Variants in MTR observed in about 807,000 individuals in gnomAD.
MTR encodes 5-methyltetrahydrofolate-homocysteine methyltransferase, also known as methionine synthase.
A neutral mutation model predicts 154.8 loss-of-function variants in MTR; 84 were observed. The ratio of observed to expected loss-of-function variants is 0.54; its 90% CI spans 0.45 to 0.65. The LOEUF (loss-of-function observed/expected upper bound fraction) is 0.65. Ranked by LOEUF, MTR falls within the 30% of genes least tolerant of loss-of-function variation. The pLI is 0.00. For missense variants in MTR, 1,275 were observed against 1,570.2 expected (o/e 0.81, Z 3.18); for synonymous variants, 554 against 553.9 (o/e 1.00, Z 0.00).
Position 236,863,545 on chromosome 1 carries a change from A to G in MTR, c.2396A>G (p.Asn799Ser), listed in dbSNP as rs1664668650. The part of the protein sequence containing the change: ...KNIVGVVLGC[N>S]NFRVIDLGVM... ...ATAGTTGGAGTAGTCCTTGGCTGCA[A>G]TAATTTCCGGTAAGTTAGGACCTCA... The change falls in exon 22 of 33, where the codon AAT (asparagine) becomes AGT (serine). Residue 799 changes from asparagine to serine, a missense_variant. Coordinates refer to ENST00000366577, the MANE Select transcript of MTR (RefSeq NM_000254.3). The G allele has an allele frequency of 2.5e-6, 4 of 1,613,880 alleles. No homozygotes were observed. The highest frequency in any genetic ancestry group is 2.5e-6 in the Non-Finnish European group (3 of 1,179,908).
rs771542050 is a variant in MTR at position 236,895,407 on chromosome 1, A to C, written c.3455A>C (p.Tyr1152Ser). Residue 1152 changes from tyrosine to serine, a missense_variant, in exon 31 of 33, where the codon TAC becomes TCC. Tyr to Ser is a moderately radical substitution (Grantham distance 144, BLOSUM62 -2). Coordinates refer to ENST00000366577, the MANE Select transcript of MTR (RefSeq NM_000254.3). Reference protein sequence around the residue: ...HERVRRELWAYCGSEQLDVAD... With the variant: ...HERVRRELWASCGSEQLDVAD... ...AGAGTTCGCCGAGAACTGTGGGCCT[A>C]CTGTGGCAGTGAGCAGCTGGACGTC... 6.2e-7 allele frequency: 1 copy of C among 1,605,478 alleles called. No individual in the cohort carries two copies.
At position 236,871,938 on chromosome 1, in the gene MTR, G is replaced by A. The variant is rs181079013; in HGVS notation, c.2406-1835G>A. On this transcript the variant is annotated intron_variant, in intron 22 of 32. Transcript: ENST00000366577. Reference sequence around the variant, plus strand: ...AAGCCAGTCCCCTTCCTGCCCCAGCGTTCAGCACCCATTGTTACCAGCCAG... The same window carrying A: ...AAGCCAGTCCCCTTCCTGCCCCAGCATTCAGCACCCATTGTTACCAGCCAG... Among the ~76,000 whole-genome samples, 289 of 152,098 alleles carry A rather than the reference G, an allele frequency of 1.9e-3. 2 individuals carry two copies. The highest frequency in any genetic ancestry group is 0.017 in the South Asian group (80 of 4,824).
intron 2 of MTR, among the ~76,000 whole-genome samples, chr1:236,805,053 T>C (rs1300462689): frequency 6.6e-6 from 1 of 152,202 alleles, no homozygotes; most frequent in South Asian, 2.1e-4. Flanking sequence ...TGGGTAGATA[T>C]TTCGGATGTT....
At chr1:236,846,419 ATG>A (rs1309140152) in intron 15 of MTR, among the ~76,000 whole-genome samples, 1 of 152,242 alleles carries the variant, frequency 6.6e-6, no homozygotes, top group East Asian at 1.9e-4. Flanking sequence ...TTGTTTGCAC[ATG>A]TGTAAACTAT....
chr1:236,861,422 A>C (rs1664538401), intron 20 of MTR, 145 bp downstream of exon 20: 1 of 1,251,856 alleles, frequency 8.0e-7, no homozygotes, highest in Non-Finnish European at 1.1e-6. Flanking sequence ...AAATATGTTT[A>C]GGAGTCATGT....
At chr1:236,796,605 T>A (rs759731557) in intron 1 of MTR, among the ~76,000 whole-genome samples, 6 of 150,702 alleles carry the variant, frequency 4.0e-5, no homozygotes, top group Non-Finnish European at 5.9e-5. Flanking sequence ...AACCGGTGAC[T>A]CTCTTGATTC....
intron 3 of MTR, 150 bp downstream of exon 3, chr1:236,806,383 C>T (rs888842531): frequency 4.1e-6 from 3 of 731,930 alleles, no homozygotes; most frequent in Non-Finnish European, 4.9e-6. Flanking sequence ...TGGTGTGAAT[C>T]CTTCCAGCTT....
At chr1:236,797,445 G>C (rs1042413122) in intron 1 of MTR, among the ~76,000 whole-genome samples, 6 of 152,046 alleles carry the variant, frequency 3.9e-5, no homozygotes, top group Admixed American at 1.3e-4. Context: ...AAGTTTCTTG[G>C]TTTCATCCTT....
chr1:236,824,051 T>A, intron 8 of MTR, 68 bp from the exon 9 acceptor site: 1 of 1,292,002 alleles, frequency 7.7e-7, no homozygotes, highest in Non-Finnish European at 1.1e-6. Context: ...ATTGTCTCCA[T>A]ATATAACTTA....
At chr1:236,897,300 C>CCACACACGCACACACACACA in intron 32 of MTR, among the ~76,000 whole-genome samples, 182 bp downstream of exon 32, 1 of 30,750 alleles carries the variant, frequency 3.3e-5, no homozygotes, top group African/African-American at 9.7e-5. Flanking sequence ...TACATGCAAG[C>CCACACACGCACACACACACA]CACACACACG....
rs1256302185 is a variant in MTR at position 236,897,048 on chromosome 1, C to T, written c.3641C>T (p.Ala1214Val). Reference protein sequence around the residue: ...TESLAMAPASAVSGLYFSNLK... With the variant: ...TESLAMAPASVVSGLYFSNLK... ...TCATTAGCAATGGCACCTGCTTCAG[C>T]AGTCTCAGGCCTCTACTTCTCCAAT... The change falls in exon 32 of 33, where the codon GCA becomes GTA. Residue 1214 changes from alanine to valine, a missense_variant. Transcript: ENST00000366577. 1 of 1,613,992 alleles carries T rather than the reference C, an allele frequency of 6.2e-7. No individual in the cohort carries two copies. The highest frequency in any genetic ancestry group is 8.5e-7 in the Non-Finnish European group (1 of 1,180,004).
rs1344424876 is a variant in MTR, at chr1:236,901,644, A to T, written c.*4000A>T. Reference sequence around the variant, plus strand: ...TCTGGAAGTCCAAGATCATGGTGCCATCATGGCCGAGTTCTGGTGAGGGCC... The same window carrying T: ...TCTGGAAGTCCAAGATCATGGTGCCTTCATGGCCGAGTTCTGGTGAGGGCC... On this transcript the variant is annotated 3_prime_UTR_variant, in exon 33 of 33. Transcript: ENST00000366577. 2 of 152,260 alleles carry T rather than the reference A, an allele frequency of 1.3e-5. No homozygotes were observed. The highest frequency in any genetic ancestry group is 1.3e-4 in the Admixed American group (2 of 15,276). 9.4% of individuals were successfully genotyped at this position (152,260 alleles called of 1,614,324 possible).
At chr1:236,880,915 T>C in intron 25 of MTR, 79 bp downstream of exon 25, 2 of 1,335,634 alleles carry the variant, frequency 1.5e-6, no homozygotes, top group African/African-American at 1.4e-5. Flanking sequence ...TTAAGATCTA[T>C]TCATTTTTAT....
chr1:236,894,210 G>C (rs1463589395), intron 29 of MTR, 147 bp from the exon 30 acceptor site: 2 of 723,822 alleles, frequency 2.8e-6, no homozygotes, highest in Non-Finnish European at 5.0e-6. Flanking sequence ...CAAGTACTGG[G>C]GATGTAACAG....
At chr1:236,857,376 T>C (rs935959686) in intron 18 of MTR, among the ~76,000 whole-genome samples, 3 of 152,232 alleles carry the variant, frequency 2.0e-5, no homozygotes, top group Non-Finnish European at 4.4e-5. Flanking sequence ...ATTAAAATAT[T>C]CTCCCCATTT....
intron 22 of MTR, among the ~76,000 whole-genome samples, chr1:236,870,065 T>G (rs1389236202): frequency 1.3e-5 from 2 of 152,204 alleles, no homozygotes; most frequent in East Asian, 3.8e-4. Flanking sequence ...CCCATTCTCT[T>G]TCCTGCTGGA....
chr1:236,894,663 T>C (rs1666523427), intron 30 of MTR, 106 bp downstream of exon 30: 2 of 1,147,288 alleles, frequency 1.7e-6, no homozygotes, highest in Non-Finnish European at 2.5e-6. Context: ...AGTGTCTTTT[T>C]TTTTTTTTTT....
At chr1:236,817,334 C>G (rs1048026631) in intron 8 of MTR, among the ~76,000 whole-genome samples, 5 of 151,962 alleles carry the variant, frequency 3.3e-5, no homozygotes, top group African/African-American at 1.2e-4. Flanking sequence ...CCTGTTCACT[C>G]TGCTGACTTC....
intron 15 of MTR, among the ~76,000 whole-genome samples, chr1:236,844,551 A>G (rs530099797): frequency 2.6e-5 from 4 of 151,704 alleles, no homozygotes; most frequent in South Asian, 2.1e-4. Context: ...ATGATCTGGG[A>G]GAGAGAGGGA....
Sources: allele counts gnomAD v4.1 joint callset (sites outside exome capture counted in the v4.1 genomes callset), GRCh38; gene constraint gnomAD v4.1.1; transcripts MANE v1.5; gene names NCBI Gene and HGNC (gene_info 2026-07-23, HGNC 2026-07-21).